The following CFAP99 variants were observed in gnomAD, a reference collection of about 807,000 sequenced individuals.
CFAP99 encodes cilia and flagella associated protein 99.
A neutral mutation model predicts 82.7 loss-of-function variants in CFAP99; 84 were observed. The ratio of observed to expected loss-of-function variants is 1.02; its 90% CI spans 0.85 to 1.22. The LOEUF (loss-of-function observed/expected upper bound fraction) is 1.22, where lower values mean the gene tolerates loss of function less well. CFAP99 is among the 50% of genes most tolerant of loss of function. CFAP99 has a pLI of 0.00. For synonymous variants in CFAP99, 456 were observed against 429.5 expected (o/e 1.06, Z -0.76); for missense variants, 1,059 against 983.5 (o/e 1.08, Z -1.03).
exon 6 of CFAP99, chr4:2,445,245 T>C (rs926488865): frequency 3.0e-5 from 43 of 1,447,582 alleles, no homozygotes; most frequent in Middle Eastern, 3.5e-4. Context: ...TCAACCTGAC[T>C]GCCCCCAGGC....
At chr4:2,449,358 C>T (rs1441677712) in intron 6 of CFAP99, among the ~76,000 whole-genome samples, 2 of 152,128 alleles carry the variant, frequency 1.3e-5, no homozygotes, top group Non-Finnish European at 2.9e-5. Flanking sequence ...CTTGCTCCTA[C>T]CCACCCTGGC....
At chr4:2,442,982 CT>C (rs1734082270) in intron 4 of CFAP99, 147 bp from the exon 5 acceptor site, 1 of 404,004 alleles carries the variant, frequency 2.5e-6, no homozygotes, top group Admixed American at 4.2e-5. Flanking sequence ...GGGCAGGGAG[CT>C]CACTGGGGTG....
chr4:2,453,547 C>T (rs1734350677), intron 11 of CFAP99, among the ~76,000 whole-genome samples: 1 of 152,168 alleles, frequency 6.6e-6, no homozygotes. Flanking sequence ...AGGCTGAATT[C>T]GTGAATTTGT....
intron 6 of CFAP99, among the ~76,000 whole-genome samples, chr4:2,445,765 C>G (rs1734149384): frequency 6.6e-6 from 1 of 152,136 alleles, no homozygotes; most frequent in Non-Finnish European, 1.5e-5. Context: ...TTGCAAATAA[C>G]AGAAAAATGC....
chr4:2,448,300 G>A lies in CFAP99; in HGVS notation c.643-1370G>A, dbSNP rs950389274. On this transcript the variant is annotated intron_variant, in intron 6 of 14. Coordinates refer to ENST00000635017, the Ensembl canonical transcript of CFAP99. This position sits in a 1 kb window ranked among gnomAD's most constrained non-coding sequence, Gnocchi z 5.2. Reference sequence around the variant, plus strand: ...TCTGTCTCTGCCAAGCACAGCCCCTGCCTGGGCCCTCACCATGTCCTCCCA... The same window carrying A: ...TCTGTCTCTGCCAAGCACAGCCCCTACCTGGGCCCTCACCATGTCCTCCCA... Among the ~76,000 whole-genome samples the A allele has an allele frequency of 6.6e-6, 1 of 152,186 alleles. No individual in the cohort carries two copies. The highest frequency in any genetic ancestry group is 1.5e-5 in the Non-Finnish European group (1 of 68,038).
chr4:2,458,374 C>T (rs985442150), intron 11 of CFAP99, among the ~76,000 whole-genome samples: 1 of 152,084 alleles, frequency 6.6e-6, no homozygotes, highest in East Asian at 1.9e-4. Flanking sequence ...TACCCCGGGC[C>T]CCCTACCCTG....
chr4:2,421,424 A>G (rs780598659), intron 1 of CFAP99, among the ~76,000 whole-genome samples: 84 of 131,468 alleles, frequency 6.4e-4, no homozygotes, highest in Admixed American at 1.3e-3. Context: ...GCACGATCTC[A>G]GCTCACTGCG....
Position 2,448,192 on chromosome 4 carries a change from G to T in CFAP99, c.643-1478G>T, listed in dbSNP as rs541725737. Among the ~76,000 whole-genome samples, 159 of 152,336 alleles carry T rather than the reference G, an allele frequency of 1.0e-3. No homozygotes were observed. The highest frequency in any genetic ancestry group is 2.1e-3 in the Non-Finnish European group (140 of 68,036). On this transcript the variant is annotated intron_variant, in intron 6 of 14. Coordinates refer to ENST00000635017, the Ensembl canonical transcript of CFAP99. The surrounding 1 kb of genome is among the most constrained non-coding windows in gnomAD (Gnocchi z 5.2). ...GAGCAACCCCACAGTTGCCCCATCTGTATAATCTTCAGCATTTCTGACCCC... is the reference window on the plus strand; with the variant it reads ...GAGCAACCCCACAGTTGCCCCATCTTTATAATCTTCAGCATTTCTGACCCC...
chr4:2,455,140 T>C (rs1437646019), intron 11 of CFAP99, among the ~76,000 whole-genome samples: 1 of 152,254 alleles, frequency 6.6e-6, no homozygotes, highest in Non-Finnish European at 1.5e-5. Context: ...GCTCAAGTGA[T>C]TCACCTGCCT....
intron 4 of CFAP99, 35 bp downstream of exon 4, chr4:2,438,199 G>A (rs1345799339): frequency 8.7e-6 from 11 of 1,268,956 alleles, no homozygotes; most frequent in South Asian, 1.3e-5. Context: ...AGGCCACGAG[G>A]CCCACGGGTG....
chr4:2,422,925 G>GC (rs1411952622), intron 1 of CFAP99, among the ~76,000 whole-genome samples: 1 of 152,128 alleles, frequency 6.6e-6, no homozygotes, highest in Non-Finnish European at 1.5e-5. Context: ...TCCCACCTCA[G>GC]CCCCCCAAGG....
intron 2 of CFAP99, among the ~76,000 whole-genome samples, chr4:2,434,877 G>A (rs1357472561): frequency 6.6e-6 from 1 of 152,212 alleles, no homozygotes; most frequent in Non-Finnish European, 1.5e-5. Flanking sequence ...CGTGGGAATG[G>A]CCCTATTTGC....
rs1450762158 is a variant in CFAP99 at position 2,456,040 on chromosome 4, G to A, written c.1162-2683G>A. Among the ~76,000 whole-genome samples the A allele has an allele frequency of 2.6e-5, 4 of 152,178 alleles. No individual in the cohort carries two copies. The East Asian group carries it at 5.8e-4, about 22-fold the overall frequency. ...CCTTTGGAAGCATCTTTTCCATTGA[G>A]AGGAGAGATGTTTGGGGTCTACCTG... On this transcript the variant is annotated intron_variant, in intron 11 of 14. Coordinates refer to ENST00000635017, the Ensembl canonical transcript of CFAP99.
intron 13 of CFAP99, 92 bp downstream of exon 13, chr4:2,459,350 A>C: frequency 7.2e-7 from 1 of 1,393,726 alleles, no homozygotes. Flanking sequence ...CACCAGAGCC[A>C]CAGGTGGGTC....
chr4:2,440,149 CTTT>C (rs1253819268), intron 4 of CFAP99, among the ~76,000 whole-genome samples: 1 of 104,024 alleles, frequency 9.6e-6, no homozygotes, highest in Non-Finnish European at 1.8e-5. Context: ...GCTTGACATT[CTTT>C]TTTTTTTTTT....
rs1734232737 is a variant in CFAP99, at chr4:2,448,932, A to T, written c.643-738A>T. ...AGATGGATGTGGGTGTGAGAGACAG[A>T]GGTGACAAGGAGGACTCTGAGGCAT... On this transcript the variant is annotated intron_variant, in intron 6 of 14. Coordinates refer to ENST00000635017, the Ensembl canonical transcript of CFAP99. This position sits in a 1 kb window ranked among gnomAD's most constrained non-coding sequence, Gnocchi z 5.2. Among the ~76,000 whole-genome samples, 1 of 152,156 alleles carries T rather than the reference A, an allele frequency of 6.6e-6. No homozygotes were observed. The highest frequency in any genetic ancestry group is 2.4e-5 in the African/African-American group (1 of 41,438).
chr4:2,426,410 C>G (rs1357098053), intron 1 of CFAP99, 49 bp from the exon 2 acceptor site: 1 of 1,190,328 alleles, frequency 8.4e-7, no homozygotes, highest in Admixed American at 2.0e-5. Context: ...GAGGGTCCTG[C>G]GGCTACATCC....
intron 11 of CFAP99, among the ~76,000 whole-genome samples, chr4:2,458,182 TG>T (rs1734480545): frequency 6.6e-6 from 1 of 152,240 alleles, no homozygotes; most frequent in Non-Finnish European, 1.5e-5. Flanking sequence ...CTTTGCTCAT[TG>T]TCTGGTTGAC....
intron 13 of CFAP99, among the ~76,000 whole-genome samples, 157 bp downstream of exon 13, chr4:2,459,415 G>C (rs537033235): frequency 6.6e-6 from 1 of 152,208 alleles, no homozygotes; most frequent in Non-Finnish European, 1.5e-5. Flanking sequence ...CCCATGTGCC[G>C]CGGGCCTGGG....
Sources: gnomAD v4.1 joint callset for allele counts (sites outside exome capture counted in the v4.1 genomes callset) on GRCh38, gnomAD v4.1.1 for gene constraint, Gnocchi (gnomAD v3.1) non-coding constraint, MANE v1.5 for transcripts, NCBI Gene and HGNC (gene_info 2026-07-23, HGNC 2026-07-21) for gene names.